EXO5: variants seen among roughly 807,000 people sequenced by gnomAD.
The protein encoded by EXO5 is exonuclease 5.
In EXO5, 11 loss-of-function variants were observed where a neutral mutation model predicts 17.8. The ratio of observed to expected loss-of-function variants is 0.62; its 90% CI spans 0.39 to 1.02. The LOEUF (loss-of-function observed/expected upper bound fraction) is 1.02, where lower values mean the gene tolerates loss of function less well. Ranked by LOEUF, EXO5 falls within the 50% of genes least tolerant of loss-of-function variation. EXO5 has a pLI of 0.00. For missense variants in EXO5, 364 were observed against 434.8 expected, an observed-to-expected ratio of 0.84 and a Z score of 1.45; for synonymous variants, 147 against 166.5, an observed-to-expected ratio of 0.88 and a Z score of 0.90.
chr1:40,510,223 C>A (rs1238364652), intron 3 of EXO5, among the ~76,000 whole-genome samples: 1 of 151,680 alleles, frequency 6.6e-6, no homozygotes, highest in African/African-American at 2.4e-5. Flanking sequence ...TCAAACTTGT[C>A]CTAAGAAACA....
At position 40,514,797 on chromosome 1, in the gene EXO5, G is replaced by A; in HGVS notation, c.253G>A (p.Asp85Asn). The A allele has an allele frequency of 6.2e-7, 1 of 1,614,140 alleles. No homozygotes were observed. Among genetic ancestry groups the A allele is most frequent in the Non-Finnish European group, 8.5e-7 (1 of 1,180,028 alleles). ...CCACCTTAAATATTTATATGTCACTGACCTGGCTACTCAGAACTGGTGTGA... is the reference window on the plus strand; with the variant it reads ...CCACCTTAAATATTTATATGTCACTAACCTGGCTACTCAGAACTGGTGTGA... The part of the protein sequence containing the change: ...RFHLKYLYVT[D>N]LATQNWCELQ... Residue 85 changes from aspartate (D) to asparagine (N), a missense_variant, in exon 4 of 4, where the codon GAC (aspartate) becomes AAC (asparagine). Asp to Asn is a conservative substitution (Grantham distance 23, BLOSUM62 1). Transcript: ENST00000415550.
intron 3 of EXO5, among the ~76,000 whole-genome samples, chr1:40,513,059 C>T (rs1257601041): frequency 6.6e-6 from 1 of 152,184 alleles, no homozygotes; most frequent in African/African-American, 2.4e-5. Context: ...TAAATATTCT[C>T]TATTATAGCA....
chr1:40,515,370 T>C lies in EXO5; in HGVS notation c.826T>C (p.Phe276Leu). ...KSLGDLMELV[F>L]LSLTLSDLPV... is the part of the protein sequence containing the mutation. ...TTTGGGTGACCTCATGGAACTTGTCTTCTTGTCTCTAACACTGTCAGACCT... is the reference window on the plus strand; with the variant it reads ...TTTGGGTGACCTCATGGAACTTGTCCTCTTGTCTCTAACACTGTCAGACCT... The change falls in exon 4 of 4, where the codon TTC (phenylalanine) becomes CTC (leucine). Residue 276 changes from phenylalanine (F) to leucine (L), a missense_variant. Phe to Leu is a conservative substitution (Grantham distance 22). Transcript: ENST00000415550. 1 of 1,614,018 alleles carries C rather than the reference T, an allele frequency of 6.2e-7. No homozygotes were observed. Among genetic ancestry groups the C allele is most frequent in the Non-Finnish European group, 8.5e-7 (1 of 1,179,990 alleles).
At chr1:40,514,198 T>C (rs1645833784) in intron 3 of EXO5, among the ~76,000 whole-genome samples, 1 of 150,990 alleles carries the variant, frequency 6.6e-6, no homozygotes, top group Admixed American at 6.6e-5. Flanking sequence ...GAGAATGGCA[T>C]GAACCCGGGA....
intron 3 of EXO5, among the ~76,000 whole-genome samples, chr1:40,512,123 C>T (rs927663846): frequency 1.3e-5 from 2 of 152,156 alleles, no homozygotes; most frequent in Non-Finnish European, 1.5e-5. Context: ...ATGATCCGCC[C>T]GCCTTGGCCT....
rs745683025 is a variant in EXO5, at chr1:40,514,658, G to C, written c.114G>C (p.Lys38Asn). 18 of 1,614,032 alleles carry C rather than the reference G, an allele frequency of 1.1e-5. No homozygotes were observed. Among genetic ancestry groups the C allele is most frequent in the Non-Finnish European group, 3.4e-6 (4 of 1,180,038 alleles). Residue 38 changes from lysine (K) to asparagine (N), a missense_variant, in exon 4 of 4, where the codon AAG (lysine) becomes AAC (asparagine). By Grantham distance (94) the Lys-to-Asn change is moderately conservative. Transcript: ENST00000415550. The part of the protein sequence containing the change: ...FLDLEDAQES[K>N]ALVNMPGPSS... ...ACCTAGAAGATGCCCAAGAGTCAAA[G>C]GCTTTAGTTAACATGCCTGGCCCAT...
chr1:40,511,285 T>A (rs1205302357), intron 3 of EXO5, among the ~76,000 whole-genome samples: 1 of 152,126 alleles, frequency 6.6e-6, no homozygotes, highest in Non-Finnish European at 1.5e-5. Flanking sequence ...AACTTTAGTT[T>A]CTTGGTGAAG....
chr1:40,515,773 G>C lies in EXO5; in HGVS notation c.*107G>C. On this transcript the variant is annotated 3_prime_UTR_variant, in exon 4 of 4. Coordinates refer to ENST00000415550, the MANE Select transcript of EXO5 (RefSeq NM_001346953.2). ...CTTTTATGGAGAGTGTTCTTATTTT[G>C]GTTCTTTTTTTTATTTCCACAACCT... 1.5e-6 allele frequency: 2 copies of C among 1,312,480 alleles called. No homozygotes were observed. The highest frequency in any genetic ancestry group is 1.0e-6 in the Non-Finnish European group (1 of 961,978). The allele number at this position is 1,312,480 out of a possible 1,614,324, so 81.3% of individuals were successfully genotyped here.
rs1215911266 is a variant in EXO5, at chr1:40,515,027, G to A, written c.483G>A (p.Gly161=). Residue 161 remains glycine (G), a synonymous_variant, in exon 4 of 4, where the codon GGG becomes GGA. Transcript: ENST00000415550. ...TGATTCCTACCCTGCAGTCAGAAGGGCACATCAGAGAGTTTCCAGTGTTTG... is the reference window on the plus strand; with the variant it reads ...TGATTCCTACCCTGCAGTCAGAAGGACACATCAGAGAGTTTCCAGTGTTTG... ...LLLIPTLQSE[G]HIREFPVFGE... is the part of the protein sequence containing the mutation. The A allele has an allele frequency of 1.2e-6, 2 of 1,614,004 alleles. No individual in the cohort carries two copies. The highest frequency in any genetic ancestry group is 8.5e-7 in the Non-Finnish European group (1 of 1,180,038).
chr1:40,515,344 CTT>C lies in EXO5; in HGVS notation c.802_803del (p.Leu268GlyfsTer2), dbSNP rs759607638. 8.1e-6 allele frequency: 13 copies of C among 1,613,916 alleles called. No individual in the cohort carries two copies. Among genetic ancestry groups the C allele is most frequent in the Admixed American group, 5.0e-5 (3 of 59,972 alleles). ...CAGCAGGGAGGCTTCTCTGTGAAGT[CTT>C]TGGGTGACCTCATGGAACTTGTCTT... is the stretch of plus-strand genomic sequence containing the variant. On this transcript the variant is annotated frameshift_variant, in exon 4 of 4. Coordinates refer to ENST00000415550, the MANE Select transcript of EXO5 (RefSeq NM_001346953.2). LOFTEE classifies it high-confidence loss of function.
chr1:40,514,413 A>G, intron 3 of EXO5, 102 bp from the exon 4 acceptor site: 2 of 944,520 alleles, frequency 2.1e-6, no homozygotes, highest in East Asian at 2.5e-5. Context: ...AAGAATGTAA[A>G]TAAATAATTT....
Position 40,511,597 on chromosome 1 carries a change from G to A in EXO5, c.-31+1807G>A, listed in dbSNP as rs549504840. ...CACAACCACAACTGATATTAATGAC[G>A]TTTTCAGGGCATCACTTCTTACGCT... On this transcript the variant is annotated intron_variant, in intron 3 of 3. Transcript: ENST00000415550. Among the ~76,000 whole-genome samples the A allele has an allele frequency of 5.9e-5, 9 of 152,264 alleles. No homozygotes were observed. In the South Asian group the frequency reaches 8.3e-4, roughly 14 times the overall value.
chr1:40,515,328 G>T lies in EXO5; in HGVS notation c.784G>T (p.Gly262Cys), dbSNP rs764742153. Residue 262 changes from glycine (G) to cysteine (C), a missense_variant, in exon 4 of 4, where the codon GGC (glycine) becomes TGC (cysteine). Physicochemically the swap from Gly to Cys is radical, Grantham distance 159. Transcript: ENST00000415550. ...AGTGCTGAGGCATGCCCAGCAGGGA[G>T]GCTTCTCTGTGAAGTCTTTGGGTGA... ...PSVLRHAQQG[G>C]FSVKSLGDLM... The T allele has an allele frequency of 6.2e-6, 10 of 1,613,890 alleles. No homozygotes were observed. The Admixed American group carries it at 1.2e-4, about 19-fold the overall frequency.
intron 3 of EXO5, among the ~76,000 whole-genome samples, chr1:40,512,673 CT>C (rs1645800914): frequency 6.6e-6 from 1 of 152,162 alleles, no homozygotes; most frequent in African/African-American, 2.4e-5. Context: ...GTTATCTCAG[CT>C]CACTGCAACC....
Position 40,513,099 on chromosome 1 carries a change from A to G in EXO5, c.-30-1416A>G, listed in dbSNP as rs1196208740. Reference sequence around the variant, plus strand: ...ATTTTGAGTTTTTAATAATGCTGTAATAGGCAGATTTTTTTCCCATTATAA... The same window carrying G: ...ATTTTGAGTTTTTAATAATGCTGTAGTAGGCAGATTTTTTTCCCATTATAA... On this transcript the variant is annotated intron_variant, in intron 3 of 3. Transcript: ENST00000415550. 4.6e-5 allele frequency among the ~76,000 whole-genome samples: 7 copies of G among 152,192 alleles called. No individual in the cohort carries two copies. The East Asian group carries it at 1.2e-3, about 25-fold the overall frequency.
intron 3 of EXO5, among the ~76,000 whole-genome samples, chr1:40,513,581 T>C (rs1645820553): frequency 7.0e-6 from 1 of 143,582 alleles, no homozygotes; most frequent in African/African-American, 2.6e-5. Context: ...ACCTCAAATC[T>C]CCTTTTTTTT....
chr1:40,514,415 A>G lies in EXO5; in HGVS notation c.-30-100A>G, dbSNP rs566618397. On this transcript the variant is annotated intron_variant, in intron 3 of 3. Coordinates refer to ENST00000415550, the MANE Select transcript of EXO5 (RefSeq NM_001346953.2). Reference sequence around the variant, plus strand: ...ACTGGCTTTTTAAAAGAATGTAAATAAATAATTTGTCATAATTTTGTTTTT... The same window carrying G: ...ACTGGCTTTTTAAAAGAATGTAAATGAATAATTTGTCATAATTTTGTTTTT... The G allele has an allele frequency of 1.5e-4, 139 of 955,096 alleles. 2 individuals are homozygous for G. In the South Asian group the frequency reaches 2.4e-3, roughly 16 times the overall value. The allele number at this position is 955,096 out of a possible 1,614,324, so 59.2% of individuals were successfully genotyped here.
In EXO5 at chr1:40,515,297, G is replaced by A. The variant is rs753874658; in HGVS notation, c.753G>A (p.Gly251=). 29 of 1,614,004 alleles carry A rather than the reference G, an allele frequency of 1.8e-5. No homozygotes were observed. In the Admixed American group the frequency reaches 2.3e-4, roughly 13 times the overall value. Residue 251 remains glycine, a synonymous_variant, in exon 4 of 4, where the codon GGG becomes GGA. Transcript: ENST00000415550. ...AGTTGTGTCTAGAAAAGCCACTGGG[G>A]CCATCAGTGCTGAGGCATGCCCAGC... ...HTKLCLEKPL[G]PSVLRHAQQG... is the part of the protein sequence containing the mutation.
At position 40,515,065 on chromosome 1, in the gene EXO5, G is replaced by C. The variant is rs754840253; in HGVS notation, c.521G>C (p.Gly174Ala). Residue 174 changes from glycine to alanine, a missense_variant, in exon 4 of 4, where the codon GGT becomes GCT. Gly to Ala is a moderately conservative substitution (Grantham distance 60, BLOSUM62 0). Transcript: ENST00000415550. ...REFPVFGEGEGVLLVGVIDEL... is the reference protein window; with the variant it reads ...REFPVFGEGEAVLLVGVIDEL... The stretch of plus-strand genomic sequence containing the variant: ...TTTCCAGTGTTTGGGGAAGGGGAGG[G>C]TGTACTTCTTGTTGGAGTGATTGAT... 7 of 1,614,004 alleles carry C rather than the reference G, an allele frequency of 4.3e-6. No homozygotes were observed. In the African/African-American group the frequency reaches 9.3e-5, roughly 22 times the overall value.
Sources: gnomAD v4.1 joint callset for allele counts (sites outside exome capture counted in the v4.1 genomes callset) on GRCh38, gnomAD v4.1.1 for gene constraint, MANE v1.5 for transcripts, NCBI Gene and HGNC (gene_info 2026-07-23, HGNC 2026-07-21) for gene names.